The following ESR1 variants were observed in gnomAD, a reference collection of about 807,000 sequenced individuals.
ESR1 encodes estrogen receptor.
Under a neutral mutation model 52.7 loss-of-function variants are expected in ESR1, and 12 were observed. The observed-to-expected ratio is 0.23, with a 90% CI of 0.15 to 0.37. The LOEUF is 0.37. Among genes scored for constraint, ESR1 ranks in the 10% least tolerant of loss-of-function variants. The probability of loss-of-function intolerance (pLI) is 1.00; values close to 1 mark genes in which losing one functional copy is unlikely to be tolerated. For synonymous variants in ESR1, 305 were observed against 316.8 expected (o/e 0.96, Z 0.39); for missense variants, 584 against 779.7 (o/e 0.75, Z 2.99).
intron 5 of ESR1, among the ~76,000 whole-genome samples, chr6:152,042,726 T>C (rs571126742): frequency 2.6e-5 from 4 of 152,232 alleles, no homozygotes; most frequent in Non-Finnish European, 5.9e-5. Context: ...TCTGCTTATA[T>C]AAATTAAGCA....
intron 3 of ESR1, among the ~76,000 whole-genome samples, chr6:151,940,142 T>C (rs2034880989): frequency 1.3e-5 from 2 of 152,190 alleles, no homozygotes; most frequent in Non-Finnish European, 2.9e-5. Flanking sequence ...ATGTCTTATA[T>C]GGCAGCAGGC....
chr6:151,852,638 TG>T (rs1233369724), intron 2 of ESR1, among the ~76,000 whole-genome samples: 11 of 111,406 alleles, frequency 9.9e-5, no homozygotes, highest in Admixed American at 7.0e-4. Context: ...ACCAAGCAGG[TG>T]TTTTTTTTTT....
chr6:151,860,276 G>C (rs1788629941), intron 2 of ESR1, among the ~76,000 whole-genome samples: 1 of 152,056 alleles, frequency 6.6e-6, no homozygotes, highest in Non-Finnish European at 1.5e-5. Flanking sequence ...CATGGAGTGA[G>C]AGCACCTGAA....
intron 1 of ESR1, among the ~76,000 whole-genome samples, chr6:151,670,765 T>TC (rs1778026293): frequency 7.0e-6 from 1 of 142,902 alleles, no homozygotes; most frequent in African/African-American, 2.6e-5. Flanking sequence ...TGTTTTCGTT[T>TC]TTTTTTTTTT....
chr6:151,952,871 G>A (rs1024087166), intron 4 of ESR1, among the ~76,000 whole-genome samples: 9 of 152,116 alleles, frequency 5.9e-5, no homozygotes, highest in African/African-American at 1.2e-4. Flanking sequence ...TTTAAAAGTC[G>A]TATATGTGCA....
At chr6:152,078,210 G>A (rs9478285) in intron 6 of ESR1, among the ~76,000 whole-genome samples, 32,098 of 152,030 alleles carry the variant, frequency 0.21, 4,786 homozygotes, top group African/African-American at 0.41. Flanking sequence ...CAGGGTTTCC[G>A]CTTTTGCATC....
At chr6:151,733,233 C>T (rs1051496194) in intron 2 of ESR1, among the ~76,000 whole-genome samples, 3 of 152,158 alleles carry the variant, frequency 2.0e-5, no homozygotes, top group African/African-American at 4.8e-5. Context: ...CCACACAGTA[C>T]GTAGTCGAGC....
At chr6:151,874,436 G>C (rs1236512490) in intron 2 of ESR1, among the ~76,000 whole-genome samples, 4 of 152,148 alleles carry the variant, frequency 2.6e-5, no homozygotes, top group Non-Finnish European at 2.9e-5. Flanking sequence ...GATGGAAATA[G>C]CAGGAAAGAA....
chr6:151,853,813 C>T (rs576432932), intron 2 of ESR1, among the ~76,000 whole-genome samples: 12 of 152,248 alleles, frequency 7.9e-5, no homozygotes, highest in Non-Finnish European at 1.5e-4. Flanking sequence ...CCTGGTCATG[C>T]CATTGACTAT....
At position 151,680,116 on chromosome 6, in the gene ESR1, G is replaced by A. The variant is rs149702277; in HGVS notation, n.74-21759G>A. ...TTATTTCCCACAGTTCTGGAGGGTG[G>A]AAATCTGAGATCAGGGTGCCAGCAT... On this transcript the variant is annotated intron_variant and non_coding_transcript_variant, in intron 1 of 2. Transcript: ENST00000473497. 1.8e-4 allele frequency among the ~76,000 whole-genome samples: 27 copies of A among 152,094 alleles called. No individual in the cohort carries two copies. The East Asian group carries it at 4.8e-3, about 27-fold the overall frequency.
exon 7 of ESR1, chr6:152,126,167 A>C (rs900923938): frequency 6.6e-6 from 1 of 152,214 alleles, no homozygotes; most frequent in Non-Finnish European, 1.5e-5. Flanking sequence ...GACAGAGAGA[A>C]CACACAATAT....
chr6:151,925,181 G>C (rs2032492820), intron 3 of ESR1, among the ~76,000 whole-genome samples: 1 of 151,856 alleles, frequency 6.6e-6, no homozygotes, highest in South Asian at 2.1e-4. Flanking sequence ...TCTGACTGGT[G>C]TGAGATGATA....
intron 2 of ESR1, among the ~76,000 whole-genome samples, chr6:151,781,037 A>G (rs755691841): frequency 1.3e-5 from 2 of 152,234 alleles, no homozygotes; most frequent in Non-Finnish European, 2.9e-5. Context: ...TTCAAACTAT[A>G]CATTTCTTCT....
At chr6:151,990,997 A>G (rs181494129) in intron 4 of ESR1, among the ~76,000 whole-genome samples, 1 of 152,282 alleles carries the variant, frequency 6.6e-6, no homozygotes, top group Non-Finnish European at 1.5e-5. Context: ...TCCACACAAT[A>G]CCACCAGGAG....
At chr6:151,751,614 A>AT (rs1158063108) in intron 2 of ESR1, among the ~76,000 whole-genome samples, 1 of 152,248 alleles carries the variant, frequency 6.6e-6, no homozygotes, top group Admixed American at 6.5e-5. Context: ...AGGAGTTAAT[A>AT]TCCAAACCTG....
chr6:151,837,426 T>C (rs560249444), intron 1 of ESR1, among the ~76,000 whole-genome samples: 1 of 152,266 alleles, frequency 6.6e-6, no homozygotes, highest in South Asian at 2.1e-4. Context: ...ATGTTGAATA[T>C]GTAATATCGG....
Position 151,808,154 on chromosome 6 carries a change from G to A in ESR1, c.242G>A (p.Gly81Asp). The change falls in exon 1 of 8, where the codon GGC becomes GAC. Residue 81 changes from glycine (G) to aspartate (D), a missense_variant. Gly to Asp is a moderately conservative substitution (Grantham distance 94, BLOSUM62 -1). Around this residue, in one of 6 missense-constraint regions of ESR1, gnomAD observed 251 missense variants for 246.1 expected, o/e 1.02. Transcript: ENST00000206249. Reference sequence around the variant, plus strand: ...TACGGTCAGACCGGCCTCCCCTACGGCCCCGGGTCTGAGGCTGCGGCGTTC... The same window carrying A: ...TACGGTCAGACCGGCCTCCCCTACGACCCCGGGTCTGAGGCTGCGGCGTTC... ...QVYGQTGLPY[G>D]PGSEAAAFGS... 1 of 1,597,910 alleles carries A rather than the reference G, an allele frequency of 6.3e-7. No homozygotes were observed. Among genetic ancestry groups the A allele is most frequent in the Non-Finnish European group, 8.5e-7 (1 of 1,172,698 alleles).
At chr6:152,051,021 C>T (rs996419531) in intron 5 of ESR1, among the ~76,000 whole-genome samples, 7 of 152,162 alleles carry the variant, frequency 4.6e-5, no homozygotes, top group Non-Finnish European at 2.9e-5. Context: ...GATGCCACCT[C>T]TAGGAACTCT....
chr6:151,769,898 C>T (rs1269209228), intron 2 of ESR1, among the ~76,000 whole-genome samples: 1 of 151,948 alleles, frequency 6.6e-6, no homozygotes, highest in African/African-American at 2.4e-5. Flanking sequence ...CATGGTGGCA[C>T]GCGTCTGCAG....
Sources: gnomAD v4.1 joint callset for allele counts (sites outside exome capture counted in the v4.1 genomes callset) on GRCh38, gnomAD v4.1.1 for gene constraint, gnomAD v4.1.1 regional missense constraint, MANE v1.5 for transcripts, NCBI Gene and HGNC (gene_info 2026-07-23, HGNC 2026-07-21) for gene names.